The following F8 variants were observed in gnomAD, a reference collection of about 807,000 sequenced individuals.
The protein encoded by F8 is antihemophilic factor.
A neutral mutation model predicts 140.6 loss-of-function variants in F8; 12 were observed. The ratio of observed to expected loss-of-function variants is 0.09; its 90% CI spans 0.05 to 0.14. The LOEUF (loss-of-function observed/expected upper bound fraction) is 0.14, where lower values mean the gene tolerates loss of function less well. F8 is among the 10% of genes least tolerant of loss of function. The pLI, the probability that F8 is intolerant of heterozygous loss-of-function variation, is 1.00. For missense variants in F8, 1,354 were observed against 1,720.7 expected (o/e 0.79, Z 3.77); for synonymous variants, 585 against 614.6 (o/e 0.95, Z 0.71).
chrX:154,928,998 C>T lies in F8; in HGVS notation c.4792G>A (p.Glu1598Lys). 1.7e-6 allele frequency: 2 copies of T among 1,211,630 alleles called. No homozygotes were observed. Among genetic ancestry groups the T allele is most frequent in the East Asian group, 5.9e-5 (2 of 33,847 alleles). The change falls in exon 14 of 26, where the codon GAG (glutamate) becomes AAG (lysine). Residue 1598 changes from glutamate to lysine, a missense_variant. By Grantham distance (56) the Glu-to-Lys change is moderately conservative. Coordinates refer to ENST00000360256, the MANE Select transcript of F8 (RefSeq NM_000132.4). The part of the protein sequence containing the change: ...NHYGTQIPKE[E>K]WKSQEKSPEK... ...GGTGACTTCTCTTGGGATTTCCACT[C>T]TTCTTTTGGTATCTGAGTACCATAG...
Position 154,928,961 on chromosome X carries a change from G to A in F8, c.4829C>T (p.Ala1610Val). Residue 1610 changes from alanine to valine, a missense_variant, in exon 14 of 26, where the codon GCT (alanine) becomes GTT (valine). By Grantham distance (64) the Ala-to-Val change is moderately conservative. Around this residue, in one of 4 missense-constraint regions of F8, gnomAD observed 658 missense variants for 666.5 expected, o/e 0.99. Coordinates refer to ENST00000360256, the MANE Select transcript of F8 (RefSeq NM_000132.4). ...KSQEKSPEKT[A>V]FKKKDTILSL... is the part of the protein sequence containing the mutation. ...CAAAATGGTATCCTTTTTCTTAAAA[G>A]CTGTTTTTTCTGGTGACTTCTCTTG... 4 of 1,211,543 alleles carry A rather than the reference G, an allele frequency of 3.3e-6. No homozygotes were observed.
intron 22 of F8, among the ~76,000 whole-genome samples, chrX:154,868,189 T>A (rs1198988848): frequency 4.5e-5 from 5 of 111,804 alleles, no homozygotes; most frequent in Admixed American, 1.9e-4. Flanking sequence ...AATGCCCACA[T>A]GTCAAGGGAG....
In F8 at chrX:154,928,902, C is replaced by T. The variant is rs2073175351; in HGVS notation, c.4888G>A (p.Ala1630Thr). Residue 1630 changes from alanine (A) to threonine (T), a missense_variant, in exon 14 of 26, where the codon GCA becomes ACA. By Grantham distance (58) the Ala-to-Thr change is moderately conservative. This residue lies in a region of F8 where 658 missense variants were observed against 666.5 expected (regional missense o/e 0.99). Coordinates refer to ENST00000360256, the MANE Select transcript of F8 (RefSeq NM_000132.4). ...LNACESNHAI[A>T]AINEGQNKPE... The stretch of plus-strand genomic sequence containing the variant: ...TTATTTTGTCCCTCATTTATTGCTG[C>T]TATTGCATGATTGCTTTCACAAGCG... The T allele has an allele frequency of 8.3e-7, 1 of 1,211,638 alleles. No individual in the cohort carries two copies.
intron 6 of F8, among the ~76,000 whole-genome samples, chrX:154,982,318 G>T (rs1461229837): frequency 1.9e-5 from 2 of 104,722 alleles, no homozygotes; most frequent in African/African-American, 3.5e-5. Context: ...GAGGTGGCGG[G>T]CGCCTGTAGT....
intron 3 of F8, among the ~76,000 whole-genome samples, chrX:154,995,587 G>A (rs2073612500): frequency 8.9e-6 from 1 of 112,016 alleles, no homozygotes; most frequent in Admixed American, 9.5e-5. Context: ...TGCATCAGGA[G>A]CAGCAACTTC....
At chrX:154,902,382 A>C (rs2073014916) in intron 18 of F8, among the ~76,000 whole-genome samples, 1 of 111,410 alleles carries the variant, frequency 9.0e-6, no homozygotes. Context: ...AGGAGATGAG[A>C]AACAGGGTGA....
Position 154,881,735 on chromosome X carries a change from A to C in F8, c.6429+14342T>G, listed in dbSNP as rs1433127267. Among the ~76,000 whole-genome samples the C allele has an allele frequency of 3.6e-5, 4 of 110,792 alleles. No individual in the cohort carries two copies. The East Asian group carries it at 1.1e-3, about 31-fold the overall frequency. On this transcript the variant is annotated intron_variant, in intron 22 of 25. Coordinates refer to ENST00000360256, the MANE Select transcript of F8 (RefSeq NM_000132.4). The stretch of plus-strand genomic sequence containing the variant: ...AACCTGATAGAGGGCATCCATGAAA[A>C]ACCCAGAGATAATATCATACTTAAT...
intron 1 of F8, among the ~76,000 whole-genome samples, chrX:155,003,371 G>A (rs2073658240): frequency 9.2e-6 from 1 of 108,348 alleles, no homozygotes; most frequent in African/African-American, 3.4e-5. Flanking sequence ...CTGAGCTTGA[G>A]GACATGACAA....
chrX:154,873,437 A>G (rs1250497652), intron 22 of F8, among the ~76,000 whole-genome samples: 1 of 111,237 alleles, frequency 9.0e-6, no homozygotes, highest in Admixed American at 9.6e-5. Context: ...CATGTTGGCC[A>G]GGCTGCTCTT....
intron 7 of F8, among the ~76,000 whole-genome samples, chrX:154,969,007 G>A (rs189674842): frequency 3.6e-5 from 4 of 109,895 alleles, no homozygotes; most frequent in East Asian, 5.6e-4. Context: ...ATATTGGAGC[G>A]TAATTAATGG....
intron 14 of F8, among the ~76,000 whole-genome samples, chrX:154,921,772 C>T (rs868986422): frequency 1.6e-4 from 17 of 109,119 alleles, no homozygotes; most frequent in African/African-American, 2.4e-4. Flanking sequence ...AGCAAACTAT[C>T]GCAAGGACAA....
chrX:154,855,850 C>T (rs1173179298), intron 25 of F8, among the ~76,000 whole-genome samples: 1 of 111,380 alleles, frequency 9.0e-6, no homozygotes, highest in Non-Finnish European at 1.9e-5. Context: ...AGGTGCACTA[C>T]ACTCCAAAAT....
chrX:154,948,551 A>G (rs183431810), intron 12 of F8, among the ~76,000 whole-genome samples: 87 of 112,492 alleles, frequency 7.7e-4, no homozygotes, highest in African/African-American at 2.8e-3. Flanking sequence ...AAATTGCAAA[A>G]TGTTAAACAT....
Position 154,906,405 on chromosome X carries a change from CT to C in F8, c.5373+14del. The C allele has an allele frequency of 8.4e-7, 1 of 1,186,006 alleles. No homozygotes were observed. Among genetic ancestry groups the C allele is most frequent in the Non-Finnish European group, 1.1e-6 (1 of 880,363 alleles). ...TAAAATTAATTTTCTTGTAATTCCA[CT>C]GTCCTTAACTCACCATGATATTATC... is the stretch of plus-strand genomic sequence containing the variant. On this transcript the variant is annotated intron_variant, in intron 15 of 25. Coordinates refer to ENST00000360256, the MANE Select transcript of F8 (RefSeq NM_000132.4).
chrX:154,942,182 G>A (rs1464348475), intron 13 of F8, among the ~76,000 whole-genome samples: 2 of 104,192 alleles, frequency 1.9e-5, no homozygotes, highest in African/African-American at 7.0e-5. Context: ...AGAACTGAAG[G>A]AAATAGAGAC....
In F8 at chrX:154,997,048, T is replaced by C. The variant is rs1353015797; in HGVS notation, c.313A>G (p.Ile105Val). 2 of 1,208,892 alleles carry C rather than the reference T, an allele frequency of 1.7e-6. No homozygotes were observed. Among genetic ancestry groups the C allele is most frequent in the Non-Finnish European group, 2.2e-6 (2 of 894,312 alleles). Residue 105 changes from isoleucine to valine, a missense_variant, in exon 3 of 26, where the codon ATT becomes GTT. By Grantham distance (29) the Ile-to-Val change is conservative (BLOSUM62 3). Coordinates refer to ENST00000360256, the MANE Select transcript of F8 (RefSeq NM_000132.4). ...IQAEVYDTVVITLKNMASHPV... is the reference protein window; with the variant it reads ...IQAEVYDTVVVTLKNMASHPV... ...TGGGAAGCCATGTTCTTAAGTGTAATGACCACTGTATCATAAACCTCAGCC... is the reference window on the plus strand; with the variant it reads ...TGGGAAGCCATGTTCTTAAGTGTAACGACCACTGTATCATAAACCTCAGCC...
At chrX:154,845,542 T>C (rs1467055545) in intron 25 of F8, among the ~76,000 whole-genome samples, 2 of 111,179 alleles carry the variant, frequency 1.8e-5, no homozygotes, top group Non-Finnish European at 1.9e-5. Flanking sequence ...TGTCCAGGAA[T>C]TTATCCATTT....
intron 14 of F8, among the ~76,000 whole-genome samples, chrX:154,913,132 GA>G (rs1335173259): frequency 9.0e-6 from 1 of 111,480 alleles, no homozygotes; most frequent in Non-Finnish European, 1.9e-5. Context: ...GATGTTTTCA[GA>G]AAAAAATAAA....
At chrX:154,998,854 G>C (rs1390864789) in intron 2 of F8, among the ~76,000 whole-genome samples, 1 of 111,256 alleles carries the variant, frequency 9.0e-6, no homozygotes, top group East Asian at 2.8e-4. Flanking sequence ...AATTTATCCA[G>C]ATAAAAACCA....
Sources: gnomAD v4.1 joint callset for allele counts (sites outside exome capture counted in the v4.1 genomes callset) on GRCh38, gnomAD v4.1.1 for gene constraint, gnomAD v4.1.1 regional missense constraint, MANE v1.5 for transcripts, NCBI Gene and HGNC (gene_info 2026-07-23, HGNC 2026-07-21) for gene names.